Variants in PFKFB3 observed in about 807,000 individuals in gnomAD.
PFKFB3 encodes 6-phosphofructo-2-kinase/fructose-2,6-biphosphatase 3.
A neutral mutation model predicts 68.0 loss-of-function variants in PFKFB3; 33 were observed. The ratio of observed to expected loss-of-function variants is 0.49; its 90% CI spans 0.37 to 0.65. The LOEUF (loss-of-function observed/expected upper bound fraction) is 0.65. Among genes scored for constraint, PFKFB3 ranks in the 30% least tolerant of loss-of-function variants. PFKFB3 has a pLI of 0.00. For synonymous variants in PFKFB3, 315 were observed against 288.2 expected (o/e 1.09, Z -0.94); for missense variants, 586 against 712.2 (o/e 0.82, Z 2.02).
chr10:6,200,360 C>T (rs1279260564), upstream of PFKFB3, among the ~76,000 whole-genome samples: 1 of 152,078 alleles, frequency 6.6e-6, no homozygotes, highest in East Asian at 1.9e-4. Context: ...GGGAAGTTGG[C>T]CAAGCCCTAG....
chr10:6,197,387 A>G (rs1032779449), intron 1 of PFKFB3, among the ~76,000 whole-genome samples: 2 of 152,222 alleles, frequency 1.3e-5, no homozygotes, highest in Admixed American at 1.3e-4. Flanking sequence ...TAGGAGCAAC[A>G]GGCTATACCA....
At chr10:6,195,172 C>T (rs1191768766) in intron 1 of PFKFB3, among the ~76,000 whole-genome samples, 1 of 152,132 alleles carries the variant, frequency 6.6e-6, no homozygotes, top group African/African-American at 2.4e-5. Flanking sequence ...GCGCTCGCCT[C>T]CTGTTCCTTT....
rs1442493406 is a variant in PFKFB3, at chr10:6,205,496, G to A, written c.76+2160G>A. ...CAACTTCTGCCTCCGGGTTTCAAGC[G>A]ATTCTCGTGCCTCAGTCTCCCGAGA... On this transcript the variant is annotated intron_variant, in intron 1 of 14. Transcript: ENST00000379775. 3.4e-5 allele frequency among the ~76,000 whole-genome samples: 5 copies of A among 148,646 alleles called. No homozygotes were observed. In the South Asian group the frequency reaches 6.5e-4, roughly 19 times the overall value.
intron 1 of PFKFB3, among the ~76,000 whole-genome samples, chr10:6,190,375 T>C (rs1314179978): frequency 6.6e-6 from 1 of 152,278 alleles, no homozygotes; most frequent in Non-Finnish European, 1.5e-5. Context: ...GTTGATATTC[T>C]ACTCTAAGGA....
rs1439386998 is a variant in PFKFB3, at chr10:6,228,259, T to C, written c.1515+1894T>C. On this transcript the variant is annotated intron_variant, in intron 14 of 14. Coordinates refer to ENST00000379775, the MANE Select transcript of PFKFB3 (RefSeq NM_004566.4). This position sits in a 1 kb window ranked among gnomAD's most constrained non-coding sequence, Gnocchi z 4.5. ...ATCATCGCTGCTGCTTGCACTGCTTTCTTCCTGCTTGCTCATTTGGCCTCC... is the reference window on the plus strand; with the variant it reads ...ATCATCGCTGCTGCTTGCACTGCTTCCTTCCTGCTTGCTCATTTGGCCTCC... 6.2e-7 allele frequency: 1 copy of C among 1,611,170 alleles called. No homozygotes were observed. The highest frequency in any genetic ancestry group is 1.7e-5 in the Admixed American group (1 of 60,020).
At chr10:6,214,000 C>T (rs1055415813) in intron 2 of PFKFB3, among the ~76,000 whole-genome samples, 3 of 152,090 alleles carry the variant, frequency 2.0e-5, no homozygotes, top group Non-Finnish European at 4.4e-5. Context: ...ATTTCACCTC[C>T]TTCAAAGCCA....
chr10:6,178,808 T>G (rs1401170104), intron 1 of PFKFB3, among the ~76,000 whole-genome samples: 2 of 152,164 alleles, frequency 1.3e-5, no homozygotes, highest in Non-Finnish European at 2.9e-5. Context: ...CACCTGCCCC[T>G]CGGCCCCAAT....
the PFKFB3 span, among the ~76,000 whole-genome samples, chr10:6,306,820 CA>C: frequency 6.6e-6 from 1 of 152,172 alleles, no homozygotes; most frequent in South Asian, 2.1e-4. Context: ...GGATGTGAGA[CA>C]ACCAAGTTAC....
the PFKFB3 span, among the ~76,000 whole-genome samples, chr10:6,268,751 GT>G: frequency 6.6e-6 from 1 of 151,608 alleles, no homozygotes; most frequent in Non-Finnish European, 1.5e-5. Context: ...GCTGGGTGAT[GT>G]GGCTCATGCC....
chr10:6,219,030 C>T (rs80311934), intron 6 of PFKFB3, among the ~76,000 whole-genome samples: 3,424 of 152,316 alleles, frequency 0.022, 141 homozygotes, highest in African/African-American at 0.077. Context: ...CCTAGGAGAG[C>T]GAGCCCTGCA....
At chr10:6,218,030 A>G (rs1223819426) in intron 6 of PFKFB3, among the ~76,000 whole-genome samples, 1 of 152,232 alleles carries the variant, frequency 6.6e-6, no homozygotes, top group Non-Finnish European at 1.5e-5. Context: ...TTAGGAAATG[A>G]ATTCCTGTTT....
chr10:6,147,086 T>C (rs984326138), intron 1 of PFKFB3, among the ~76,000 whole-genome samples: 8 of 151,958 alleles, frequency 5.3e-5, no homozygotes, highest in Non-Finnish European at 1.0e-4. Context: ...GCACAGCAAG[T>C]GGGAACTGCA....
intron 14 of PFKFB3, among the ~76,000 whole-genome samples, chr10:6,242,309 C>A (rs933911925): frequency 6.6e-6 from 1 of 152,170 alleles, no homozygotes; most frequent in Non-Finnish European, 1.5e-5. Flanking sequence ...AGTCTCTGAA[C>A]TAAGTCTCTG....
chr10:6,180,735 A>C (rs564254535), intron 1 of PFKFB3, among the ~76,000 whole-genome samples: 2 of 152,288 alleles, frequency 1.3e-5, no homozygotes, highest in African/African-American at 4.8e-5. Context: ...AAGTGCTGAG[A>C]TTACAGGTGC....
At chr10:6,169,101 C>T (rs1564594539) in intron 1 of PFKFB3, among the ~76,000 whole-genome samples, 1 of 152,194 alleles carries the variant, frequency 6.6e-6, no homozygotes, top group Non-Finnish European at 1.5e-5. Flanking sequence ...CCACCACGCC[C>T]GGCAAATTTT....
chr10:6,250,291 C>T (rs111636429), intron 14 of PFKFB3, among the ~76,000 whole-genome samples: 5,837 of 152,134 alleles, frequency 0.038, 298 homozygotes, highest in African/African-American at 0.11. Flanking sequence ...GTCGGCCAGG[C>T]GCAGTGGCTT....
At chr10:6,166,186 TGGCCAGGC>T (rs1842133216) in intron 1 of PFKFB3, among the ~76,000 whole-genome samples, 1 of 152,148 alleles carries the variant, frequency 6.6e-6, no homozygotes, top group Non-Finnish European at 1.5e-5. Flanking sequence ...TTCTCCATGT[TGGCCAGGC>T]TGGCCTCGAA....
chr10:6,237,019 C>CT (rs1312567575), downstream of PFKFB3, among the ~76,000 whole-genome samples: 3 of 152,238 alleles, frequency 2.0e-5, no homozygotes, highest in Non-Finnish European at 1.5e-5. Context: ...ACTCCCTTAG[C>CT]TCCGGCCACA....
chr10:6,210,321 G>A (rs1252896590), intron 1 of PFKFB3, among the ~76,000 whole-genome samples: 2 of 89,680 alleles, frequency 2.2e-5, no homozygotes, highest in East Asian at 5.6e-4. Context: ...AAACACCTCA[G>A]GCGCCCCTCT....
Sources: gnomAD v4.1 joint callset for allele counts (sites outside exome capture counted in the v4.1 genomes callset) on GRCh38, gnomAD v4.1.1 for gene constraint, Gnocchi (gnomAD v3.1) non-coding constraint, MANE v1.5 for transcripts, NCBI Gene and HGNC (gene_info 2026-07-23, HGNC 2026-07-21) for gene names.